The following SUPT6H variants were observed in gnomAD, a reference collection of about 807,000 sequenced individuals.
SUPT6H encodes SPT6 homolog, histone chaperone and transcription elongation factor.
A neutral mutation model predicts 222.3 loss-of-function variants in SUPT6H; 11 were observed. That is an observed-to-expected ratio of 0.05 (90% CI 0.03 to 0.08). The LOEUF (loss-of-function observed/expected upper bound fraction) is 0.08. SUPT6H is among the 10% of genes least tolerant of loss of function. The pLI is 1.00. For synonymous variants in SUPT6H, 762 were observed against 801.2 expected (o/e 0.95, Z 0.83); for missense variants, 1,422 against 2,216.0 (o/e 0.64, Z 7.19).
At position 28,701,079 on chromosome 17, in the gene SUPT6H, GCCCAGC is replaced by G; in HGVS notation, c.4954_4959del (p.Gln1652_Pro1653del). ...CAGCACCACCCCACAGTCGGCCCAG[GCCCAGC>G]CCCAGCCCTCTTCCAGCTCCCGGCA... is the stretch of plus-strand genomic sequence containing the variant. On this transcript the variant is annotated inframe_deletion, in exon 36 of 37. Coordinates refer to ENST00000314616, the MANE Select transcript of SUPT6H (RefSeq NM_003170.5). The G allele has an allele frequency of 6.2e-7, 1 of 1,613,538 alleles. No homozygotes were observed. The highest frequency in any genetic ancestry group is 8.5e-7 in the Non-Finnish European group (1 of 1,179,898).
chr17:28,684,873 A>T lies in SUPT6H; in HGVS notation c.2399A>T (p.Asn800Ile). 1 of 1,614,222 alleles carries T rather than the reference A, an allele frequency of 6.2e-7. No individual in the cohort carries two copies. The highest frequency in any genetic ancestry group is 8.5e-7 in the Non-Finnish European group (1 of 1,180,042). Reference sequence around the variant, plus strand: ...CACCCTGTGTTCTGCGCCCTGGTCAATGGTGAAGGAGAAGTGACAGACTTC... The same window carrying T: ...CACCCTGTGTTCTGCGCCCTGGTCATTGGTGAAGGAGAAGTGACAGACTTC... ...RDHPVFCALV[N>I]GEGEVTDFLR... The change falls in exon 19 of 37, where the codon AAT becomes ATT. Residue 800 changes from asparagine (N) to isoleucine (I), a missense_variant. Asn to Ile is a moderately radical substitution (Grantham distance 149). Around this residue, in one of 13 missense-constraint regions of SUPT6H, gnomAD observed 294 missense variants for 382.1 expected, o/e 0.77. Coordinates refer to ENST00000314616, the MANE Select transcript of SUPT6H (RefSeq NM_003170.5).
At chr17:28,676,478 G>C in intron 7 of SUPT6H, 48 bp downstream of exon 7, 4 of 1,607,906 alleles carry the variant, frequency 2.5e-6, no homozygotes, top group Non-Finnish European at 3.4e-6. Flanking sequence ...TAATTACCTT[G>C]TAGCCAAGAA....
chr17:28,674,204 G>T, intron 2 of SUPT6H, 79 bp from the exon 3 acceptor site: 1 of 1,562,022 alleles, frequency 6.4e-7, no homozygotes. Context: ...AGAGCAAATG[G>T]ATAATCACAT....
At chr17:28,675,576 C>A (rs2030697109) in intron 6 of SUPT6H, 91 bp downstream of exon 6, 5 of 1,365,130 alleles carry the variant, frequency 3.7e-6, no homozygotes, top group Middle Eastern at 2.0e-4. Flanking sequence ...AAAAATGGGG[C>A]ATTCCCAGCT....
intron 36 of SUPT6H, 65 bp from the exon 37 acceptor site, chr17:28,701,374 A>G: frequency 6.4e-7 from 1 of 1,570,088 alleles, no homozygotes; most frequent in Non-Finnish European, 8.7e-7. Context: ...CTGCAAGGGT[A>G]CAGTGATTGG....
intron 17 of SUPT6H, 101 bp from the exon 18 acceptor site, chr17:28,684,485 C>T: frequency 7.1e-7 from 1 of 1,417,320 alleles, no homozygotes; most frequent in Non-Finnish European, 9.8e-7. Flanking sequence ...AGTACACACC[C>T]TCGCACATGT....
intron 2 of SUPT6H, 103 bp downstream of exon 2, chr17:28,673,613 C>T (rs1377753817): frequency 7.4e-6 from 6 of 812,038 alleles, no homozygotes; most frequent in Non-Finnish European, 1.2e-5. Flanking sequence ...AGTTATCACA[C>T]ATGAGGTACC....
At chr17:28,672,874 G>T (rs974165940) in intron 1 of SUPT6H, 2 of 152,410 alleles carry the variant, frequency 1.3e-5, no homozygotes, top group African/African-American at 2.4e-5. Context: ...TATGAGGCCG[G>T]GTGCGGTGGC....
chr17:28,696,717 C>T, intron 29 of SUPT6H, 127 bp from the exon 30 acceptor site: 2 of 836,670 alleles, frequency 2.4e-6, no homozygotes, highest in Non-Finnish European at 3.9e-6. Context: ...TTGCCACTGG[C>T]ACTCCAGCCC....
chr17:28,698,165 G>A (rs1036836090), intron 32 of SUPT6H, 135 bp downstream of exon 32: 1 of 1,247,124 alleles, frequency 8.0e-7, no homozygotes, highest in African/African-American at 1.5e-5. Context: ...AACAGAGGTG[G>A]AGGTTGGAGG....
intron 6 of SUPT6H, 43 bp downstream of exon 6, chr17:28,675,528 G>C: frequency 6.2e-7 from 1 of 1,603,848 alleles, no homozygotes; most frequent in Non-Finnish European, 8.5e-7. Context: ...GTGATTGAGT[G>C]GGCCCAGTCA....
In SUPT6H at chr17:28,697,682, G is replaced by A; in HGVS notation, c.4272G>A (p.Arg1424=). The change falls in exon 31 of 37, where the codon CGG becomes CGA. Residue 1424 remains arginine, a synonymous_variant. Coordinates refer to ENST00000314616, the MANE Select transcript of SUPT6H (RefSeq NM_003170.5). ...TCCAGCCCATGGCATCCTTTGCCCGGGACCTTCTGAATCACAAGTATTATC... is the reference window on the plus strand; with the variant it reads ...TCCAGCCCATGGCATCCTTTGCCCGAGACCTTCTGAATCACAAGTATTATC... ...RYVQPMASFA[R]DLLNHKYYQD... 2 of 1,614,150 alleles carry A rather than the reference G, an allele frequency of 1.2e-6. No individual in the cohort carries two copies. The highest frequency in any genetic ancestry group is 1.7e-6 in the Non-Finnish European group (2 of 1,180,022).
At position 28,674,456 on chromosome 17, in the gene SUPT6H, G is replaced by T; in HGVS notation, c.268+15G>T. ...GAGAAAACGCAGTGAGTAGTCTGTC[G>T]TTGGCTCAAGTGAGGCTTGGGTGGA... On this transcript the variant is annotated intron_variant, in intron 3 of 36. Coordinates refer to ENST00000314616, the MANE Select transcript of SUPT6H (RefSeq NM_003170.5). The T allele has an allele frequency of 6.2e-7, 1 of 1,614,148 alleles. No individual in the cohort carries two copies. The highest frequency in any genetic ancestry group is 8.5e-7 in the Non-Finnish European group (1 of 1,180,004).
intron 11 of SUPT6H, among the ~76,000 whole-genome samples, chr17:28,680,362 C>A (rs2031030365): frequency 6.6e-6 from 1 of 151,480 alleles, no homozygotes; most frequent in African/African-American, 2.4e-5. Flanking sequence ...CTTTGGGAGG[C>A]TGAGGTGGGC....
At chr17:28,669,577 G>T (rs1276577896) in intron 1 of SUPT6H, among the ~76,000 whole-genome samples, 3 of 152,236 alleles carry the variant, frequency 2.0e-5, no homozygotes, top group Non-Finnish European at 4.4e-5. Context: ...GTCGAGGCAG[G>T]TGGATCACTT....
At chr17:28,670,614 G>A (rs780103117) in intron 1 of SUPT6H, among the ~76,000 whole-genome samples, 1 of 152,234 alleles carries the variant, frequency 6.6e-6, no homozygotes, top group East Asian at 1.9e-4. Flanking sequence ...GGCCAGGCGC[G>A]GTGGCTCACG....
At chr17:28,698,340 G>C (rs749533693) in intron 32 of SUPT6H, among the ~76,000 whole-genome samples, 1 of 152,226 alleles carries the variant, frequency 6.6e-6, no homozygotes, top group Non-Finnish European at 1.5e-5. Flanking sequence ...CTGGGGGCCA[G>C]TACACTGGTC....
At chr17:28,690,259 G>A in intron 26 of SUPT6H, 30 bp downstream of exon 26, 1 of 1,610,820 alleles carries the variant, frequency 6.2e-7, no homozygotes, top group Non-Finnish European at 8.5e-7. Context: ...TTTTATTGGG[G>A]GCAGGAGGTG....
At chr17:28,679,579 A>G (rs1269612069) in intron 11 of SUPT6H, among the ~76,000 whole-genome samples, 2 of 151,272 alleles carry the variant, frequency 1.3e-5, no homozygotes, top group Non-Finnish European at 2.9e-5. Flanking sequence ...ACAGGGTTTC[A>G]GTGTGTTAGC....
Sources: allele counts gnomAD v4.1 joint callset (sites outside exome capture counted in the v4.1 genomes callset), GRCh38; gene constraint gnomAD v4.1.1; regional missense constraint gnomAD v4.1.1; transcripts MANE v1.5; gene names NCBI Gene and HGNC (gene_info 2026-07-23, HGNC 2026-07-21).